The following OSTF1 variants were observed in gnomAD, a reference collection of about 807,000 sequenced individuals.
The protein encoded by OSTF1 is osteoclast stimulating factor 1.
A neutral mutation model predicts 37.2 loss-of-function variants in OSTF1; 27 were observed. That is an observed-to-expected ratio of 0.73 (90% confidence interval 0.54 to 1.00). OSTF1 has a LOEUF of 1.00. Ranked by LOEUF, OSTF1 falls within the 50% of genes least tolerant of loss-of-function variation. The pLI is 0.00. For synonymous variants in OSTF1, 82 were observed against 89.2 expected (o/e 0.92, Z 0.46); for missense variants, 232 against 253.8 (o/e 0.91, Z 0.58).
intron 3 of OSTF1, 107 bp from the exon 4 acceptor site, chr9:75,130,471 T>A (rs1243957379): frequency 1.3e-6 from 1 of 760,112 alleles, no homozygotes; most frequent in Non-Finnish European, 2.4e-6. Context: ...TGGGTAGGGT[T>A]GATGGACATT....
chr9:75,130,471 T>C, intron 3 of OSTF1, 107 bp from the exon 4 acceptor site: 1 of 760,230 alleles, frequency 1.3e-6, no homozygotes, highest in South Asian at 1.5e-5. Flanking sequence ...TGGGTAGGGT[T>C]GATGGACATT....
intron 2 of OSTF1, among the ~76,000 whole-genome samples, chr9:75,119,699 G>A (rs1209998243): frequency 6.6e-6 from 1 of 152,188 alleles, no homozygotes; most frequent in Non-Finnish European, 1.5e-5. Flanking sequence ...GGGCACGGTG[G>A]CTCACGCCTG....
chr9:75,090,933 A>AT (rs1824962301), intron 1 of OSTF1, among the ~76,000 whole-genome samples: 20 of 152,350 alleles, frequency 1.3e-4, no homozygotes, highest in Admixed American at 5.9e-4. Context: ...CAATCTTATG[A>AT]GATCAGTACC....
chr9:75,103,773 C>G (rs1401548403), intron 1 of OSTF1, among the ~76,000 whole-genome samples: 1 of 152,082 alleles, frequency 6.6e-6, no homozygotes, highest in Non-Finnish European at 1.5e-5. Context: ...AGCTGGGACC[C>G]ACAGACATAC....
chr9:75,120,413 TG>T (rs1825560693), intron 2 of OSTF1, among the ~76,000 whole-genome samples: 1 of 152,012 alleles, frequency 6.6e-6, no homozygotes. Context: ...GGGATAAAAG[TG>T]AGGGAGGTGA....
rs146456568 is a variant in OSTF1, at chr9:75,118,906, G to A, written c.81+1356G>A. ...AAGGTGAGATTTGGGTGGGGACACA[G>A]CAAAACCATATCAAGGGGAAACCTG... is the stretch of plus-strand genomic sequence containing the variant. On this transcript the variant is annotated intron_variant, in intron 2 of 9. Transcript: ENST00000346234. Among the ~76,000 whole-genome samples, 1,425 of 152,252 alleles carry A rather than the reference G, an allele frequency of 9.4e-3. 20 individuals carry two copies. The highest frequency in any genetic ancestry group is 0.033 in the African/African-American group (1,364 of 41,550).
chr9:75,098,700 C>G (rs137963950), intron 1 of OSTF1, among the ~76,000 whole-genome samples: 1 of 152,166 alleles, frequency 6.6e-6, no homozygotes, highest in East Asian at 1.9e-4. Flanking sequence ...TCAGGATCCT[C>G]TTGTCTCCTC....
At chr9:75,144,144 T>C (rs924905114) in intron 9 of OSTF1, among the ~76,000 whole-genome samples, 1 of 152,158 alleles carries the variant, frequency 6.6e-6, no homozygotes, top group East Asian at 1.9e-4. Context: ...AGGTCCTGGG[T>C]GTGTGTTGGG....
intron 1 of OSTF1, among the ~76,000 whole-genome samples, chr9:75,112,939 A>G (rs1825417578): frequency 6.6e-6 from 1 of 152,162 alleles, no homozygotes; most frequent in Non-Finnish European, 1.5e-5. Flanking sequence ...CAGAGAGACA[A>G]TCTAGTCAGC....
chr9:75,093,490 T>C (rs949097857), intron 1 of OSTF1, among the ~76,000 whole-genome samples: 1 of 152,220 alleles, frequency 6.6e-6, no homozygotes, highest in African/African-American at 2.4e-5. Context: ...GGAAACCTGG[T>C]GTCTGACCTT....
intron 9 of OSTF1, 90 bp from the exon 10 acceptor site, chr9:75,146,593 T>TC (rs1475545060): frequency 2.3e-6 from 2 of 861,710 alleles, no homozygotes; most frequent in African/African-American, 3.4e-5. Context: ...GAAGATTCTA[T>TC]TCTAATTTAA....
chr9:75,135,459 G>T (rs201951021), intron 7 of OSTF1, among the ~76,000 whole-genome samples: 1 of 151,868 alleles, frequency 6.6e-6, no homozygotes, highest in South Asian at 2.1e-4. Flanking sequence ...AAATTATCTT[G>T]TATTTCTTTT....
At chr9:75,127,840 C>G (rs1825685209) in intron 3 of OSTF1, among the ~76,000 whole-genome samples, 1 of 151,462 alleles carries the variant, frequency 6.6e-6, no homozygotes, top group African/African-American at 2.4e-5. Context: ...GAATATTATG[C>G]AGCTGTAGAA....
intron 2 of OSTF1, among the ~76,000 whole-genome samples, chr9:75,122,427 A>G (rs1825595122): frequency 6.6e-6 from 1 of 152,234 alleles, no homozygotes; most frequent in South Asian, 2.1e-4. Flanking sequence ...GTGAGGACCA[A>G]ATGAGGTCAA....
intron 9 of OSTF1, among the ~76,000 whole-genome samples, chr9:75,141,659 C>T (rs1358124092): frequency 6.6e-6 from 1 of 152,160 alleles, no homozygotes; most frequent in Non-Finnish European, 1.5e-5. Context: ...TATCAGTAAA[C>T]TGTAATCAAA....
At chr9:75,138,684 A>G (rs1436799679) in intron 8 of OSTF1, among the ~76,000 whole-genome samples, 3 of 152,236 alleles carry the variant, frequency 2.0e-5, no homozygotes, top group Non-Finnish European at 4.4e-5. Flanking sequence ...TAAAAATTAT[A>G]TATGTGGATC....
chr9:75,101,171 C>T lies in OSTF1; in HGVS notation c.34+12445C>T, dbSNP rs368979449. Among the ~76,000 whole-genome samples, 43 of 152,314 alleles carry T rather than the reference C, an allele frequency of 2.8e-4. No individual in the cohort carries two copies. In the South Asian group the frequency reaches 8.7e-3, roughly 31 times the overall value. Reference sequence around the variant, plus strand: ...TCTCGACTCTCAGGACCGGGCCAAGCTGGAGAAAGGGCTCACCACCTGGGC... The same window carrying T: ...TCTCGACTCTCAGGACCGGGCCAAGTTGGAGAAAGGGCTCACCACCTGGGC... On this transcript the variant is annotated intron_variant, in intron 1 of 9. Transcript: ENST00000346234.
intron 3 of OSTF1, 110 bp downstream of exon 3, chr9:75,127,729 CTG>C (rs1390513101): frequency 3.3e-6 from 2 of 607,020 alleles, no homozygotes; most frequent in African/African-American, 4.0e-5. Context: ...ATGTACAAGT[CTG>C]TTCATTTTAG....
chr9:75,112,373 T>C (rs1274633465), intron 1 of OSTF1, among the ~76,000 whole-genome samples: 1 of 152,196 alleles, frequency 6.6e-6, no homozygotes, highest in Non-Finnish European at 1.5e-5. Context: ...TTCTTTCATA[T>C]TCTGAGGCTA....
Sources: allele counts gnomAD v4.1 joint callset (sites outside exome capture counted in the v4.1 genomes callset), GRCh38; gene constraint gnomAD v4.1.1; transcripts MANE v1.5; gene names NCBI Gene and HGNC (gene_info 2026-07-23, HGNC 2026-07-21).